SARDH: variants seen among roughly 807,000 people sequenced by gnomAD.
SARDH encodes the protein sarcosine dehydrogenase, also known as sarcosine dehydrogenase, mitochondrial.
Under a neutral mutation model 109.1 loss-of-function variants are expected in SARDH, and 95 were observed. The ratio of observed to expected loss-of-function variants is 0.87; its 90% CI spans 0.74 to 1.03. The LOEUF (loss-of-function observed/expected upper bound fraction) is 1.03, where lower values mean the gene tolerates loss of function less well. Ranked by LOEUF, SARDH falls within the 50% of genes least tolerant of loss-of-function variation. SARDH has a pLI of 0.00. For synonymous variants in SARDH, 572 were observed against 534.8 expected, an observed-to-expected ratio of 1.07 and a Z score of -0.96; for missense variants, 1,267 against 1,287.8, an observed-to-expected ratio of 0.98 and a Z score of 0.25.
At chr9:133,668,130 C>T (rs1830138754) in intron 19 of SARDH, among the ~76,000 whole-genome samples, 1 of 151,852 alleles carries the variant, frequency 6.6e-6, no homozygotes, top group Non-Finnish European at 1.5e-5. Flanking sequence ...AGAAAGGACC[C>T]ATGGATGCTG....
At chr9:133,681,104 G>A (rs1830679902) in intron 17 of SARDH, among the ~76,000 whole-genome samples, 2 of 152,244 alleles carry the variant, frequency 1.3e-5, no homozygotes, top group African/African-American at 4.8e-5. Context: ...CCTGGCTGGG[G>A]CTGTGTGGGG....
intron 18 of SARDH, 106 bp downstream of exon 18, chr9:133,671,429 G>A (rs1830343045): frequency 7.4e-7 from 1 of 1,352,000 alleles, no homozygotes; most frequent in Non-Finnish European, 9.9e-7. Context: ...GAAGCCGGGT[G>A]ACAACACAGG....
At chr9:133,659,945 G>A (rs129918), downstream of SARDH, among the ~76,000 whole-genome samples, 158 of 152,234 alleles carry the variant, frequency 1.0e-3, 2 homozygotes, top group East Asian at 0.026. Flanking sequence ...GTAGCCTGCC[G>A]ATCTCGGGCA....
At position 133,696,207 on chromosome 9, in the gene SARDH, A is replaced by G. The variant is rs2131396983; in HGVS notation, c.1807+16T>C. On this transcript the variant is annotated intron_variant, in intron 14 of 20. Transcript: ENST00000439388. ...TGGAGTGACAGGAACATGCCCCCCA[A>G]CCTCAGGCTCCATACCTGGGGGTCG... 6.2e-7 allele frequency: 1 copy of G among 1,613,032 alleles called. No homozygotes were observed. The highest frequency in any genetic ancestry group is 2.2e-5 in the East Asian group (1 of 44,872).
At chr9:133,703,949 G>C (rs144566492) in intron 12 of SARDH, among the ~76,000 whole-genome samples, 3 of 152,244 alleles carry the variant, frequency 2.0e-5, no homozygotes, top group Non-Finnish European at 4.4e-5. Context: ...CGCCCATCTT[G>C]GGACCTGGGG....
chr9:133,735,034 G>A (rs767054465), intron 1 of SARDH, among the ~76,000 whole-genome samples: 2 of 152,146 alleles, frequency 1.3e-5, no homozygotes, highest in Admixed American at 6.5e-5. Flanking sequence ...AGACACTTGC[G>A]CTCCCAGACA....
In SARDH at chr9:133,702,956, GC is replaced by G; in HGVS notation, c.1627del (p.Ala543GlnfsTer79). On this transcript the variant is annotated frameshift_variant, in exon 13 of 21. Coordinates refer to ENST00000439388, the MANE Select transcript of SARDH (RefSeq NM_001134707.2). LOFTEE classifies it high-confidence loss of function. ...HEDYAYRRLL[A>X]DEYTFAFPPH... ...CGGGAAGGCGAAGGTGTACTCGTCT[GC>G]CAGCAGCCTGCGGTAGGCGTAGTCC... 3 of 1,613,156 alleles carry G rather than the reference GC, an allele frequency of 1.9e-6. No homozygotes were observed. In the East Asian group the frequency reaches 6.7e-5, roughly 36 times the overall value.
rs751351560 is a variant in SARDH at position 133,705,015 on chromosome 9, C to A, written c.1487G>T (p.Gly496Val). ...DPLHEELLGQ[G>V]CVFQERHGWE... is the part of the protein sequence containing the mutation. The stretch of plus-strand genomic sequence containing the variant: ...GCCATGCCGCTCCTGGAACACGCAG[C>A]CTTGTCCAAGGAGTTCCTGAGCAGG... The change falls in exon 12 of 21, where the codon GGC (glycine) becomes GTC (valine). Residue 496 changes from glycine to valine, a missense_variant. By Grantham distance (109) the Gly-to-Val change is moderately radical. Transcript: ENST00000439388. 6.3e-7 allele frequency: 1 copy of A among 1,592,044 alleles called. No homozygotes were observed. The highest frequency in any genetic ancestry group is 8.5e-7 in the Non-Finnish European group (1 of 1,170,290).
At chr9:133,696,182 T>G in intron 14 of SARDH, 41 bp downstream of exon 14, 1 of 1,609,616 alleles carries the variant, frequency 6.2e-7, no homozygotes, top group African/African-American at 1.3e-5. Context: ...GCTGTGCCCA[T>G]GGAGTGACAG....
intron 18 of SARDH, 35 bp downstream of exon 18, chr9:133,671,500 G>T: frequency 6.7e-7 from 1 of 1,489,410 alleles, no homozygotes; most frequent in South Asian, 1.3e-5. Flanking sequence ...CACTGCGCCC[G>T]CCCCCGCCCC....
At chr9:133,665,659 CA>C (rs946000797) in intron 20 of SARDH, among the ~76,000 whole-genome samples, 2 of 152,246 alleles carry the variant, frequency 1.3e-5, no homozygotes, top group African/African-American at 4.8e-5. Flanking sequence ...CATGGGCTGC[CA>C]CTTCCCCACA....
chr9:133,734,388 T>C (rs553776143), intron 1 of SARDH, among the ~76,000 whole-genome samples, 185 bp from the exon 2 acceptor site: 212 of 148,032 alleles, frequency 1.4e-3, no homozygotes, highest in African/African-American at 5.2e-3. Flanking sequence ...CACTCATTCA[T>C]TCATTCACTC....
At chr9:133,679,517 C>T (rs1830623944) in intron 17 of SARDH, among the ~76,000 whole-genome samples, 1 of 152,248 alleles carries the variant, frequency 6.6e-6, no homozygotes, top group Non-Finnish European at 1.5e-5. Context: ...TGCTGCTTCG[C>T]GGCGGGGCCC....
intron 11 of SARDH, among the ~76,000 whole-genome samples, chr9:133,707,360 A>G (rs1344433408): frequency 6.6e-6 from 1 of 152,114 alleles, no homozygotes; most frequent in Non-Finnish European, 1.5e-5. Flanking sequence ...GCCCGGGGGC[A>G]TGCTAGGGAG....
At chr9:133,677,443 G>A (rs1412044249) in intron 17 of SARDH, among the ~76,000 whole-genome samples, 1 of 152,140 alleles carries the variant, frequency 6.6e-6, no homozygotes, top group African/African-American at 2.4e-5. Context: ...CAGATACCTG[G>A]CCAGGTGGGG....
intron 18 of SARDH, among the ~76,000 whole-genome samples, 183 bp from the exon 19 acceptor site, chr9:133,670,935 T>C (rs9409843): frequency 0.57 from 86,808 of 151,732 alleles, 25,575 homozygotes; most frequent in East Asian, 0.79. Flanking sequence ...GGGCGACCGC[T>C]CCCCCGAGCA....
At chr9:133,676,899 G>A (rs1419221732) in intron 17 of SARDH, among the ~76,000 whole-genome samples, 5 of 152,222 alleles carry the variant, frequency 3.3e-5, no homozygotes, top group Non-Finnish European at 5.9e-5. Context: ...AGCACTTTGG[G>A]AGGCCGAGTT....
chr9:133,690,822 AAC>A (rs1831064710), intron 15 of SARDH, among the ~76,000 whole-genome samples: 1 of 152,100 alleles, frequency 6.6e-6, no homozygotes, highest in African/African-American at 2.4e-5. Flanking sequence ...GTGTCTTGGG[AAC>A]ACACAGGCCT....
downstream of SARDH, among the ~76,000 whole-genome samples, chr9:133,659,842 GA>G (rs1832389343): frequency 6.6e-6 from 1 of 152,130 alleles, no homozygotes; most frequent in East Asian, 1.9e-4. Context: ...AGTAGACACG[GA>G]GCAGGCCCAA....
Sources: gnomAD v4.1 joint callset for allele counts (sites outside exome capture counted in the v4.1 genomes callset) on GRCh38, gnomAD v4.1.1 for gene constraint, MANE v1.5 for transcripts, NCBI Gene and HGNC (gene_info 2026-07-23, HGNC 2026-07-21) for gene names.